PDE1C: variants seen among roughly 807,000 people sequenced by gnomAD.
The protein encoded by PDE1C is dual specificity calcium/calmodulin-dependent 3',5'-cyclic nucleotide phosphodiesterase 1C.
A neutral mutation model predicts 93.1 loss-of-function variants in PDE1C; 62 were observed. The ratio of observed to expected loss-of-function variants is 0.67; its 90% confidence interval spans 0.54 to 0.82. The LOEUF (loss-of-function observed/expected upper bound fraction) is 0.82. Ranked by LOEUF, PDE1C falls within the 40% of genes least tolerant of loss-of-function variation. PDE1C has a pLI of 0.00. For synonymous variants in PDE1C, 325 were observed against 310.1 expected, an observed-to-expected ratio of 1.05 and a Z score of -0.50; for missense variants, 742 against 884.6, an observed-to-expected ratio of 0.84 and a Z score of 2.04.
At chr7:32,076,393 C>T (rs1038873937), upstream of PDE1C, among the ~76,000 whole-genome samples, 11 of 151,968 alleles carry the variant, frequency 7.2e-5, no homozygotes, top group South Asian at 2.1e-4. Context: ...GTAATCCCAG[C>T]ACTCTGAGAG....
intron 1 of PDE1C, among the ~76,000 whole-genome samples, chr7:32,372,333 C>A (rs962041397): frequency 6.6e-6 from 1 of 152,120 alleles, no homozygotes; most frequent in African/African-American, 2.4e-5. Context: ...GAATTACAGG[C>A]GTGAGCTACC....
chr7:31,908,893 T>C (rs903878791), intron 2 of PDE1C, among the ~76,000 whole-genome samples: 2 of 152,200 alleles, frequency 1.3e-5, no homozygotes, highest in African/African-American at 2.4e-5. Flanking sequence ...ATAAAGGAGA[T>C]TGTGCTACAT....
chr7:32,364,448 C>T (rs1380030217), intron 1 of PDE1C, among the ~76,000 whole-genome samples: 1 of 152,154 alleles, frequency 6.6e-6, no homozygotes, highest in African/African-American at 2.4e-5. Context: ...GCCCCATTTC[C>T]TCCACACGGA....
intron 1 of PDE1C, among the ~76,000 whole-genome samples, chr7:32,344,426 A>G (rs576923460): frequency 6.6e-6 from 1 of 152,284 alleles, no homozygotes; most frequent in East Asian, 1.9e-4. Context: ...TACGGGGTAC[A>G]TTATCTAGCC....
chr7:32,076,613 AGCCTGG>A (rs940894760), intron 3 of PDE1C, among the ~76,000 whole-genome samples: 1 of 150,694 alleles, frequency 6.6e-6, no homozygotes, highest in African/African-American at 2.4e-5. Flanking sequence ...ACTGCACTCC[AGCCTGG>A]GCGACAGAGT....
At chr7:31,621,654 G>A in the PDE1C span, among the ~76,000 whole-genome samples, 2 of 148,070 alleles carry the variant, frequency 1.4e-5, no homozygotes, top group African/African-American at 5.0e-5. Flanking sequence ...GCAAAATCAT[G>A]CCAAAATGTA....
At chr7:32,203,751 C>T (rs1179602237) in intron 2 of PDE1C, among the ~76,000 whole-genome samples, 1 of 152,164 alleles carries the variant, frequency 6.6e-6, no homozygotes, top group Non-Finnish European at 1.5e-5. Flanking sequence ...TGTCTACCCT[C>T]CGCAAATTTA....
intron 3 of PDE1C, among the ~76,000 whole-genome samples, chr7:32,132,175 T>C (rs1035071159): frequency 6.6e-6 from 1 of 151,862 alleles, no homozygotes; most frequent in Non-Finnish European, 1.5e-5. Context: ...GAAGGAAGCT[T>C]GGTAGAGCCA....
the PDE1C span, among the ~76,000 whole-genome samples, chr7:31,671,652 G>A: frequency 6.6e-6 from 1 of 152,102 alleles, no homozygotes; most frequent in African/African-American, 2.4e-5. Context: ...GGGGAGTCAT[G>A]GGACCCTGTC....
Position 31,895,580 on chromosome 7 carries a change from T to TTCTCTCTCTCTC in PDE1C, c.129-14732_129-14721dup, listed in dbSNP as rs60958547. The stretch of plus-strand genomic sequence containing the variant: ...TTGGATTATTATTAGTTTCTCTCTT[T>TTCTCTCTCTCTC]TCTCTCTCTCTCTCTCTCTCTCTCT... On this transcript the variant is annotated intron_variant, in intron 2 of 17. Transcript: ENST00000396191. 7.9e-3 allele frequency among the ~76,000 whole-genome samples: 1,138 copies of TTCTCTCTCTCTC among 144,858 alleles called. 8 individuals carry two copies. The highest frequency in any genetic ancestry group is 0.027 in the East Asian group (131 of 4,832).
At chr7:31,648,878 G>A in the PDE1C span, among the ~76,000 whole-genome samples, 50 of 152,316 alleles carry the variant, frequency 3.3e-4, 1 homozygote, top group East Asian at 9.6e-4. Flanking sequence ...AGATGGGTTC[G>A]AAATCTTACT....
the PDE1C span, among the ~76,000 whole-genome samples, chr7:31,665,155 T>C: frequency 6.6e-6 from 1 of 152,220 alleles, no homozygotes; most frequent in East Asian, 1.9e-4. Context: ...AAGCTCATTC[T>C]CCTGCCAGGG....
intron 14 of PDE1C, among the ~76,000 whole-genome samples, chr7:31,818,253 T>C (rs1053637401): frequency 6.6e-6 from 1 of 152,184 alleles, no homozygotes; most frequent in South Asian, 2.1e-4. Context: ...CTGGCCTTTA[T>C]AGAAAGGTAC....
At chr7:32,090,984 T>C (rs1797438035) in intron 3 of PDE1C, among the ~76,000 whole-genome samples, 3 of 152,260 alleles carry the variant, frequency 2.0e-5, no homozygotes, top group African/African-American at 4.8e-5. Context: ...GAAAGGGAAC[T>C]ATTTAATGAG....
intron 2 of PDE1C, among the ~76,000 whole-genome samples, chr7:31,890,601 C>T (rs1228767601): frequency 4.6e-5 from 7 of 152,110 alleles, no homozygotes; most frequent in African/African-American, 1.7e-4. Flanking sequence ...CTAAAGCTCC[C>T]TCAGCCAGCA....
intron 1 of PDE1C, among the ~76,000 whole-genome samples, chr7:32,391,682 T>C (rs973885000): frequency 2.0e-5 from 3 of 152,114 alleles, no homozygotes; most frequent in African/African-American, 7.2e-5. Flanking sequence ...AAATCAATAA[T>C]AGGAAATCTG....
chr7:31,731,149 C>G, the PDE1C span, among the ~76,000 whole-genome samples: 1 of 151,918 alleles, frequency 6.6e-6, no homozygotes, highest in African/African-American at 2.4e-5. Context: ...GTTGCAGAAG[C>G]TCATAGAAGC....
intron 7 of PDE1C, among the ~76,000 whole-genome samples, chr7:31,853,106 A>G (rs1793549142): frequency 6.6e-6 from 1 of 152,156 alleles, no homozygotes; most frequent in Non-Finnish European, 1.5e-5. Flanking sequence ...TTCTCACATT[A>G]CAACCATAGT....
chr7:32,067,750 C>T (rs1046239997), intron 1 of PDE1C, among the ~76,000 whole-genome samples: 2 of 152,202 alleles, frequency 1.3e-5, no homozygotes, highest in Non-Finnish European at 2.9e-5. Context: ...CTAGCTAGCT[C>T]ATGGCTCATT....
Sources: allele counts gnomAD v4.1 joint callset (sites outside exome capture counted in the v4.1 genomes callset), GRCh38; gene constraint gnomAD v4.1.1; transcripts MANE v1.5; gene names NCBI Gene and HGNC (gene_info 2026-07-23, HGNC 2026-07-21).